Variants in EHBP1 observed in about 807,000 individuals in gnomAD.
EHBP1 encodes EH domain binding protein 1, also known as EH domain-binding protein 1.
Under a neutral mutation model 144.0 loss-of-function variants are expected in EHBP1, and 55 were observed. The observed-to-expected ratio is 0.38, with a 90% CI of 0.31 to 0.48. EHBP1 has a LOEUF of 0.48. EHBP1 is among the 20% of genes least tolerant of loss of function. EHBP1 has a pLI of 0.98. For missense variants in EHBP1, 1,200 were observed against 1,364.2 expected (o/e 0.88, Z 1.90); for synonymous variants, 469 against 472.7 (o/e 0.99, Z 0.10).
chr2:62,965,635 G>GCC (rs2058213467), intron 14 of EHBP1, among the ~76,000 whole-genome samples: 1 of 152,152 alleles, frequency 6.6e-6, no homozygotes, highest in African/African-American at 2.4e-5. Flanking sequence ...TAAATAGTTT[G>GCC]CTTGGAGTTT....
intron 10 of EHBP1, among the ~76,000 whole-genome samples, chr2:62,937,988 A>G (rs962023548): frequency 6.6e-6 from 1 of 152,126 alleles, no homozygotes; most frequent in Non-Finnish European, 1.5e-5. Context: ...GTGAAAGGAG[A>G]TAGATTACAA....
At chr2:62,760,381 A>T (rs1427888751) in intron 3 of EHBP1, among the ~76,000 whole-genome samples, 5 of 152,218 alleles carry the variant, frequency 3.3e-5, no homozygotes, top group Non-Finnish European at 7.3e-5. Context: ...GTTGGGAGAG[A>T]GTTCCTGGAT....
intron 3 of EHBP1, among the ~76,000 whole-genome samples, chr2:62,756,919 G>A (rs1027486649): frequency 1.3e-5 from 2 of 152,108 alleles, no homozygotes; most frequent in Non-Finnish European, 2.9e-5. Context: ...AATCTTGAGA[G>A]TGAGATCCAT....
intron 10 of EHBP1, among the ~76,000 whole-genome samples, chr2:62,912,806 A>G (rs553066423): frequency 2.0e-5 from 3 of 152,184 alleles, no homozygotes; most frequent in Non-Finnish European, 2.9e-5. Context: ...CACAAAAAAC[A>G]AGCTTATATA....
intron 7 of EHBP1, among the ~76,000 whole-genome samples, chr2:62,837,425 C>T (rs2047368005): frequency 1.3e-5 from 2 of 150,910 alleles, no homozygotes; most frequent in African/African-American, 2.4e-5. Context: ...GAAGAAACTG[C>T]ATCAACTAAC....
chr2:63,032,140 C>A lies in EHBP1; in HGVS notation c.3104-5395C>A, dbSNP rs191974574. Among the ~76,000 whole-genome samples the A allele has an allele frequency of 2.0e-5, 3 of 150,966 alleles. No homozygotes were observed. In the East Asian group the frequency reaches 5.8e-4, roughly 29 times the overall value. On this transcript the variant is annotated intron_variant, in intron 19 of 22. Coordinates refer to ENST00000431489, the MANE Select transcript of EHBP1 (RefSeq NM_001142616.3). ...TAGGAGATATACCTAATGTAAATGA[C>A]GAGTTAACGGGTGCAGCACACCAAC...
intron 21 of EHBP1, among the ~76,000 whole-genome samples, chr2:63,043,136 G>T (rs56107763): frequency 6.6e-6 from 1 of 152,022 alleles, no homozygotes; most frequent in Non-Finnish European, 1.5e-5. Context: ...TGACCTTTAA[G>T]ATCTTTCCAA....
At chr2:62,771,920 C>G (rs1309696695) in intron 5 of EHBP1, 1 of 152,138 alleles carries the variant, frequency 6.6e-6, no homozygotes. Context: ...CCGGCCTGGC[C>G]AAAGTGGTGA....
At chr2:62,857,699 G>A (rs572048925) in intron 7 of EHBP1, among the ~76,000 whole-genome samples, 17 of 152,048 alleles carry the variant, frequency 1.1e-4, no homozygotes, top group Middle Eastern at 3.2e-3. Context: ...CCCAATGAGT[G>A]ATAATTTCAC....
In EHBP1 at chr2:62,729,532, T is replaced by A. The variant is rs1182915551; in HGVS notation, c.105-17863T>A. ...TATAATAAAATAAATAAATATAATA[T>A]ATATAATATATATTATATATAATAT... On this transcript the variant is annotated intron_variant, in intron 2 of 22. Transcript: ENST00000431489. Among the ~76,000 whole-genome samples, 12 of 107,666 alleles carry A rather than the reference T, an allele frequency of 1.1e-4. No homozygotes were observed. The South Asian group carries it at 2.2e-3, about 20-fold the overall frequency. The allele number at this position is 107,666 out of a possible 152,430, so 70.6% of individuals were successfully genotyped here. A position where few individuals can be genotyped will look rare whatever the true frequency, so the allele number is the denominator to read the frequency against.
chr2:62,715,521 A>G (rs2035588831), intron 2 of EHBP1, among the ~76,000 whole-genome samples: 1 of 152,126 alleles, frequency 6.6e-6, no homozygotes, highest in Non-Finnish European at 1.5e-5. Flanking sequence ...GCTACCCAGA[A>G]TAAAGATTAT....
At chr2:62,779,287 A>G (rs1042591653) in intron 5 of EHBP1, among the ~76,000 whole-genome samples, 27 of 152,322 alleles carry the variant, frequency 1.8e-4, no homozygotes, top group Admixed American at 4.6e-4. Context: ...TTGTTCTTCT[A>G]TTAATCCAAT....
intron 5 of EHBP1, among the ~76,000 whole-genome samples, chr2:62,775,606 A>G (rs2042002664): frequency 6.6e-6 from 1 of 152,220 alleles, no homozygotes; most frequent in South Asian, 2.1e-4. Flanking sequence ...AGTTATATTT[A>G]ATATAAAATA....
At chr2:62,714,658 C>A (rs557664460) in intron 2 of EHBP1, among the ~76,000 whole-genome samples, 1 of 152,220 alleles carries the variant, frequency 6.6e-6, no homozygotes, top group South Asian at 2.1e-4. Flanking sequence ...GAAAATTTTA[C>A]CCATTGTTGT....
intron 2 of EHBP1, among the ~76,000 whole-genome samples, chr2:62,729,409 T>A (rs1427350331): frequency 9.0e-6 from 1 of 111,400 alleles, no homozygotes; most frequent in African/African-American, 3.5e-5. Context: ...ATAATAAATA[T>A]AATAATAATA....
chr2:62,683,252 A>C (rs903616198), intron 1 of EHBP1, among the ~76,000 whole-genome samples: 26 of 152,256 alleles, frequency 1.7e-4, no homozygotes, highest in African/African-American at 6.3e-4. Context: ...CCCAATTTCA[A>C]GTCAAACAGA....
At chr2:62,889,315 T>C (rs946300888) in intron 10 of EHBP1, among the ~76,000 whole-genome samples, 1 of 151,830 alleles carries the variant, frequency 6.6e-6, no homozygotes. Flanking sequence ...GTCAGATGTA[T>C]AGTTTGCAAA....
At chr2:62,955,247 C>T (rs534482741) in intron 13 of EHBP1, among the ~76,000 whole-genome samples, 1 of 151,882 alleles carries the variant, frequency 6.6e-6, no homozygotes, top group Non-Finnish European at 1.5e-5. Context: ...ATATATTAGC[C>T]TCATACCTAA....
chr2:62,991,413 T>C (rs575984512), intron 16 of EHBP1, among the ~76,000 whole-genome samples: 1 of 152,250 alleles, frequency 6.6e-6, no homozygotes, highest in Admixed American at 6.5e-5. Flanking sequence ...TTGAGTTCTA[T>C]ATGTATGTAT....
Sources: allele counts gnomAD v4.1 joint callset (sites outside exome capture counted in the v4.1 genomes callset), GRCh38; gene constraint gnomAD v4.1.1; transcripts MANE v1.5; gene names NCBI Gene and HGNC (gene_info 2026-07-23, HGNC 2026-07-21).